Variants in CHD3 observed in about 807,000 individuals in gnomAD.
CHD3 encodes chromodomain helicase DNA binding protein 3.
CHD3 carries 52 observed loss-of-function variants against 248.9 expected under a neutral mutation model. The observed-to-expected ratio is 0.21, with a 90% CI of 0.17 to 0.26. The LOEUF (loss-of-function observed/expected upper bound fraction) is 0.26, where lower values mean the gene tolerates loss of function less well. Among genes scored for constraint, CHD3 ranks in the 10% least tolerant of loss-of-function variants. The probability of loss-of-function intolerance (pLI) is 1.00; values close to 1 mark genes in which losing one functional copy is unlikely to be tolerated. For synonymous variants in CHD3, 985 were observed against 985.2 expected (o/e 1.00, Z 0.00); for missense variants, 1,482 against 2,605.8 (o/e 0.57, Z 9.39).
At chr17:7,884,827 C>T, upstream of CHD3, 2 of 803,840 alleles carry the variant, frequency 2.5e-6, no homozygotes, top group Non-Finnish European at 3.4e-6. Flanking sequence ...CTCTGAGGGA[C>T]GAGGAGGAGG....
At position 7,905,376 on chromosome 17, in the gene CHD3, A is replaced by G. The variant is rs770340495; in HGVS notation, c.4138+211A>G. 370 of 614,776 alleles carry G rather than the reference A, an allele frequency of 6.0e-4. No individual in the cohort carries two copies. Among genetic ancestry groups the G allele is most frequent in the Non-Finnish European group, 9.5e-4 (327 of 344,362 alleles). The allele number at this position is 614,776 out of a possible 1,614,324, so 38.1% of individuals were successfully genotyped here. ...CATAGGCTAGATCCAGAAAGGCCAT[A>G]TCATTTTCCATTCCCACTGGTAATC... is the stretch of plus-strand genomic sequence containing the variant. On this transcript the variant is annotated intron_variant, in intron 26 of 39. Coordinates refer to ENST00000330494, the MANE Select transcript of CHD3 (RefSeq NM_001005273.3). The surrounding 1 kb of genome is among the most constrained non-coding windows in gnomAD (Gnocchi z 5.8).
Position 7,908,679 on chromosome 17 carries a change from C to T in CHD3, c.5262-18C>T. On this transcript the variant is annotated intron_variant, in intron 35 of 39. Coordinates refer to ENST00000330494, the MANE Select transcript of CHD3 (RefSeq NM_001005273.3). The surrounding 1 kb of genome is among the most constrained non-coding windows in gnomAD (Gnocchi z 5.8). ...TTCCTGTTAAATTCCTTGATGGTTC[C>T]TTTTCCTTCATTGGTAGCCATGGCT... The T allele has an allele frequency of 6.2e-7, 1 of 1,613,754 alleles. No individual in the cohort carries two copies. The highest frequency in any genetic ancestry group is 1.1e-5 in the South Asian group (1 of 91,062).
chr17:7,891,092 A>G, intron 4 of CHD3, 28 bp downstream of exon 4: 1 of 1,610,352 alleles, frequency 6.2e-7, no homozygotes, highest in Non-Finnish European at 8.5e-7. Flanking sequence ...AATCCTCGCT[A>G]ATTGACACTT....
chr17:7,894,367 A>G, intron 7 of CHD3, 48 bp from the exon 8 acceptor site: 2 of 1,589,288 alleles, frequency 1.3e-6, no homozygotes, highest in Non-Finnish European at 1.7e-6. Flanking sequence ...CTCTCTCTCC[A>G]TCTCCCCCTG....
intron 10 of CHD3, among the ~76,000 whole-genome samples, chr17:7,896,301 C>T (rs1969645241): frequency 6.6e-6 from 1 of 151,622 alleles, no homozygotes; most frequent in Non-Finnish European, 1.5e-5. Flanking sequence ...GTAAGAGCCC[C>T]ACCCAGGCCT....
Position 7,897,098 on chromosome 17 carries a change from T to C in CHD3, c.1723T>C (p.Leu575=), listed in dbSNP as rs757429190. 13 of 1,614,154 alleles carry C rather than the reference T, an allele frequency of 8.1e-6. 1 individual carries two copies. In the South Asian group the frequency reaches 1.4e-4, roughly 18 times the overall value. ...GCCCTGCTAGCTGGAAATCTTCCATTTGGTTATGTATCGAAACTACCAGCG... is the reference window on the plus strand; with the variant it reads ...GCCCTGCTAGCTGGAAATCTTCCATCTGGTTATGTATCGAAACTACCAGCG... The part of the protein sequence containing the change: ...AKELQLEIFH[L]VMYRNYQRKN... The change falls in exon 11 of 40, where the codon TTG becomes CTG. Residue 575 remains leucine, a synonymous_variant. Transcript: ENST00000330494. The surrounding 1 kb of genome is among the most constrained non-coding windows in gnomAD (Gnocchi z 4.8).
Position 7,905,168 on chromosome 17 carries a change from G to A in CHD3, c.4138+3G>A. 6.2e-7 allele frequency: 1 copy of A among 1,613,782 alleles called. No homozygotes were observed. Among genetic ancestry groups the A allele is most frequent in the Non-Finnish European group, 8.5e-7 (1 of 1,179,680 alleles). On this transcript the variant is annotated splice_donor_region_variant and intron_variant, in intron 26 of 39. Transcript: ENST00000330494. This position sits in a 1 kb window ranked among gnomAD's most constrained non-coding sequence, Gnocchi z 5.8. ...AGACTTCGATGAACGTCCTGAAGGTGGCATCTGTGTTCCTGACTCTACCTC... is the reference window on the plus strand; with the variant it reads ...AGACTTCGATGAACGTCCTGAAGGTAGCATCTGTGTTCCTGACTCTACCTC...
chr17:7,903,145 G>T lies in CHD3; in HGVS notation c.3495+84G>T, dbSNP rs1476411378. On this transcript the variant is annotated intron_variant, in intron 22 of 39. Transcript: ENST00000330494. This position sits in a 1 kb window ranked among gnomAD's most constrained non-coding sequence, Gnocchi z 6.8. ...AGGAGGGTGTCATGTTCCGGGGTCA[G>T]AAATAAATCTCTTCTGGGAGGAGAG... is the stretch of plus-strand genomic sequence containing the variant. The T allele has an allele frequency of 1.2e-5, 19 of 1,577,594 alleles. No individual in the cohort carries two copies. The Admixed American group carries it at 3.1e-4, about 26-fold the overall frequency.
chr17:7,898,191 C>A (rs9889962), intron 12 of CHD3, 89 bp downstream of exon 12: 690,719 of 1,490,738 alleles, frequency 0.46, 170,560 homozygotes, highest in East Asian at 0.95. Flanking sequence ...TACAGTAGGG[C>A]CTGATTCAAC....
In CHD3 at chr17:7,899,256, G is replaced by A; in HGVS notation, c.2343+54G>A. 6.2e-7 allele frequency: 1 copy of A among 1,602,042 alleles called. No individual in the cohort carries two copies. The highest frequency in any genetic ancestry group is 1.1e-5 in the South Asian group (1 of 90,778). On this transcript the variant is annotated intron_variant, in intron 14 of 39. Transcript: ENST00000330494. The surrounding 1 kb of genome is among the most constrained non-coding windows in gnomAD (Gnocchi z 6.8). ...CCGCCTGGACTGGGGAAGTGGGGAG[G>A]GGGAAGATAAAGGGGTGTAGCTGGC...
rs1192775971 is a variant in CHD3, at chr17:7,890,729, T to C, written c.372T>C (p.Asp124=). Residue 124 remains aspartate, a synonymous_variant, in exon 3 of 40, where the codon GAT becomes GAC. Transcript: ENST00000330494. The stretch of plus-strand genomic sequence containing the variant: ...AGCGGCGGAAAAAGGGGGAGGGAGA[T>C]GGGGGGCAAAAGGTGAGTAGAATTA... ...KTKRRKKGEG[D]GGQKQVEQKS... is the part of the protein sequence containing the mutation. 3.6e-6 allele frequency: 4 copies of C among 1,097,176 alleles called. No individual in the cohort carries two copies. The highest frequency in any genetic ancestry group is 4.8e-6 in the Non-Finnish European group (4 of 825,446). The allele number at this position is 1,097,176 out of a possible 1,614,324, so 68.0% of individuals were successfully genotyped here.
chr17:7,901,270 T>C lies in CHD3; in HGVS notation c.3147T>C (p.Ala1049=). The change falls in exon 20 of 40, where the codon GCT becomes GCC. Residue 1049 remains alanine, a synonymous_variant. Coordinates refer to ENST00000330494, the MANE Select transcript of CHD3 (RefSeq NM_001005273.3). ...AMESPKLPSG[A]YEGGALIKSS... is the part of the protein sequence containing the mutation. ...AGTCCCCCAAACTCCCCAGTGGGGC[T>C]TATGAGGGTGGGGCACTTATTAAGT... 2 of 1,612,394 alleles carry C rather than the reference T, an allele frequency of 1.2e-6. No individual in the cohort carries two copies. The highest frequency in any genetic ancestry group is 1.7e-6 in the Non-Finnish European group (2 of 1,179,128).
At position 7,897,697 on chromosome 17, in the gene CHD3, G is replaced by A. The variant is rs1034340166; in HGVS notation, c.1920-274G>A. Reference sequence around the variant, plus strand: ...AATGCTGCCTTCCCCACGAGACTCTGAGTTCCATGAGGAAAATACTTAGTG... The same window carrying A: ...AATGCTGCCTTCCCCACGAGACTCTAAGTTCCATGAGGAAAATACTTAGTG... On this transcript the variant is annotated intron_variant, in intron 11 of 39. Transcript: ENST00000330494. This position sits in a 1 kb window ranked among gnomAD's most constrained non-coding sequence, Gnocchi z 4.8. 6.6e-6 allele frequency among the ~76,000 whole-genome samples: 1 copy of A among 152,214 alleles called. No individual in the cohort carries two copies.
In CHD3 at chr17:7,903,749, C is replaced by A; in HGVS notation, c.3728-76C>A. ...TTCTCTAGGGCTCCTGTGAAAAGGA[C>A]GCAGAGTAGAAGCTTTCCCATCAGC... On this transcript the variant is annotated intron_variant, in intron 23 of 39. Coordinates refer to ENST00000330494, the MANE Select transcript of CHD3 (RefSeq NM_001005273.3). The surrounding 1 kb of genome is among the most constrained non-coding windows in gnomAD (Gnocchi z 6.8). The A allele has an allele frequency of 1.3e-6, 2 of 1,495,188 alleles. No homozygotes were observed. Among genetic ancestry groups the A allele is most frequent in the Admixed American group, 3.9e-5 (2 of 51,910 alleles). 92.6% of individuals were successfully genotyped at this position (1,495,188 alleles called of 1,614,324 possible).
At chr17:7,887,131 T>C (rs1254683476), upstream of CHD3, among the ~76,000 whole-genome samples, 1 of 152,162 alleles carries the variant, frequency 6.6e-6, no homozygotes, top group Non-Finnish European at 1.5e-5. Context: ...TCTGTCTACC[T>C]AAGTGTGGGG....
At chr17:7,886,594 T>C (rs1394984761), upstream of CHD3, among the ~76,000 whole-genome samples, 1 of 151,894 alleles carries the variant, frequency 6.6e-6, no homozygotes, top group Non-Finnish European at 1.5e-5. The surrounding 1 kb of genome is among the most constrained non-coding windows in gnomAD (Gnocchi z 4.2). Flanking sequence ...GGATAAAGTC[T>C]CCCCGCCCCC....
chr17:7,891,243 A>T (rs1267241330), intron 4 of CHD3, among the ~76,000 whole-genome samples, 179 bp downstream of exon 4: 1 of 152,222 alleles, frequency 6.6e-6, no homozygotes, highest in African/African-American at 2.4e-5. Context: ...CAAGAACCCC[A>T]GTTGAGAACT....
intron 12 of CHD3, 133 bp downstream of exon 12, chr17:7,898,235 T>C (rs1279851722): frequency 7.4e-6 from 8 of 1,080,086 alleles, no homozygotes; most frequent in South Asian, 1.5e-5. Context: ...CTGAGCTGGG[T>C]TGTTTGAGAT....
Position 7,895,376 on chromosome 17 carries a change from A to G in CHD3, c.1541A>G (p.His514Arg). Residue 514 changes from histidine to arginine, a missense_variant, in exon 10 of 40, where the codon CAT becomes CGT. His to Arg is a conservative substitution (Grantham distance 29). Around this residue, in one of 20 missense-constraint regions of CHD3, gnomAD observed 138 missense variants for 241.1 expected, o/e 0.57. Transcript: ENST00000330494. This position sits in a 1 kb window ranked among gnomAD's most constrained non-coding sequence, Gnocchi z 4.9. ...AAGGGTCGAGTGCAGAAGATCCTAC[A>G]TTGGCGGTGGGGGGAGCCACCTGTA... ...VLKGRVQKIL[H>R]WRWGEPPVAV... The G allele has an allele frequency of 6.2e-7, 1 of 1,614,052 alleles. No individual in the cohort carries two copies. The highest frequency in any genetic ancestry group is 1.1e-5 in the South Asian group (1 of 91,066).
Sources: allele counts gnomAD v4.1 joint callset (sites outside exome capture counted in the v4.1 genomes callset), GRCh38; gene constraint gnomAD v4.1.1; regional missense constraint gnomAD v4.1.1; non-coding constraint Gnocchi (gnomAD v3.1); transcripts MANE v1.5; gene names NCBI Gene and HGNC (gene_info 2026-07-23, HGNC 2026-07-21).